Variants in TENM3 observed in about 807,000 individuals in gnomAD.
The protein encoded by TENM3 is teneurin transmembrane protein 3, also known as teneurin-3.
Under a neutral mutation model 255.1 loss-of-function variants are expected in TENM3, and 63 were observed. The observed-to-expected ratio is 0.25, with a 90% CI of 0.20 to 0.30. The LOEUF (loss-of-function observed/expected upper bound fraction) is 0.30, where lower values mean the gene tolerates loss of function less well. Ranked by LOEUF, TENM3 falls within the 10% of genes least tolerant of loss-of-function variation. The pLI is 1.00. For synonymous variants in TENM3, 1,306 were observed against 1,322.3 expected, an observed-to-expected ratio of 0.99 and a Z score of 0.27; for missense variants, 2,929 against 3,461.1, an observed-to-expected ratio of 0.85 and a Z score of 3.86.
the TENM3 span, among the ~76,000 whole-genome samples, chr4:182,022,082 G>T: frequency 6.6e-6 from 1 of 151,754 alleles, no homozygotes; most frequent in East Asian, 1.9e-4. Flanking sequence ...AAATTGTTCT[G>T]CACTCGTATG....
chr4:182,782,360 C>T lies in TENM3; in HGVS notation c.5305-6733C>T, dbSNP rs202104524. Among the ~76,000 whole-genome samples the T allele has an allele frequency of 5.4e-3, 700 of 129,346 alleles. 2 individuals carry two copies. Among genetic ancestry groups the T allele is most frequent in the Admixed American group, 0.038 (456 of 12,040 alleles). 84.9% of individuals were successfully genotyped at this position (129,346 alleles called of 152,430 possible). ...GTTGTTCAGTTTCCATGTAGTTGAG[C>T]GGTTTTGAGTGAGATTCTTAATCCT... On this transcript the variant is annotated intron_variant, in intron 24 of 27. Coordinates refer to ENST00000511685, the MANE Select transcript of TENM3 (RefSeq NM_001080477.4).
At chr4:181,853,414 T>C in the TENM3 span, among the ~76,000 whole-genome samples, 2 of 152,256 alleles carry the variant, frequency 1.3e-5, no homozygotes, top group African/African-American at 4.8e-5. Context: ...ATTTAAACCA[T>C]GTTCCGTGAA....
intron 1 of TENM3, among the ~76,000 whole-genome samples, chr4:182,167,835 G>C (rs1186076381): frequency 1.3e-5 from 2 of 152,172 alleles, no homozygotes; most frequent in African/African-American, 4.8e-5. Flanking sequence ...AGTGAGCTGA[G>C]ATCATGCCAC....
At chr4:182,381,232 C>T (rs1245117719) in intron 3 of TENM3, among the ~76,000 whole-genome samples, 2 of 152,172 alleles carry the variant, frequency 1.3e-5, no homozygotes, top group African/African-American at 4.8e-5. Context: ...ACGGAAAACA[C>T]CTATTAGTCA....
At chr4:181,941,559 T>C in the TENM3 span, among the ~76,000 whole-genome samples, 2 of 152,174 alleles carry the variant, frequency 1.3e-5, no homozygotes. Flanking sequence ...CTATCATTTG[T>C]TTTATCGCTT....
chr4:182,662,025 A>G (rs1374005888), intron 6 of TENM3, among the ~76,000 whole-genome samples: 1 of 152,186 alleles, frequency 6.6e-6, no homozygotes, highest in Non-Finnish European at 1.5e-5. Flanking sequence ...CTAATTACCA[A>G]TATGACTTTA....
At chr4:181,674,391 T>C in the TENM3 span, among the ~76,000 whole-genome samples, 1 of 150,796 alleles carries the variant, frequency 6.6e-6, no homozygotes. Flanking sequence ...CTGGAGTTTA[T>C]TGGGGTGTTA....
chr4:182,647,143 A>C (rs1752826749), intron 5 of TENM3, among the ~76,000 whole-genome samples: 1 of 152,172 alleles, frequency 6.6e-6, no homozygotes, highest in Non-Finnish European at 1.5e-5. Flanking sequence ...TAAGTTTCCG[A>C]CTTTGTGTCA....
At chr4:182,278,003 T>A (rs1415630239) in intron 1 of TENM3, among the ~76,000 whole-genome samples, 2 of 152,262 alleles carry the variant, frequency 1.3e-5, no homozygotes, top group Non-Finnish European at 2.9e-5. Flanking sequence ...GCCTGGATCC[T>A]GTTTGTTTCT....
At chr4:181,826,350 T>G in the TENM3 span, among the ~76,000 whole-genome samples, 1 of 152,334 alleles carries the variant, frequency 6.6e-6, no homozygotes, top group East Asian at 1.9e-4. Context: ...TGATAAGTGT[T>G]AATTTTCTGG....
At chr4:181,591,580 A>G in the TENM3 span, among the ~76,000 whole-genome samples, 1 of 152,178 alleles carries the variant, frequency 6.6e-6, no homozygotes. Flanking sequence ...GCAAATACCC[A>G]AGTCAGGAAT....
chr4:182,285,669 CATGGGAAGAATTGGAGA>C (rs1336811429), intron 1 of TENM3, among the ~76,000 whole-genome samples: 5 of 152,044 alleles, frequency 3.3e-5, no homozygotes, highest in African/African-American at 1.2e-4. Flanking sequence ...GTTTTTGGAG[CATGGGAAGAATTGGAGA>C]ATGGGAAGAT....
At chr4:182,080,204 C>T in the TENM3 span, among the ~76,000 whole-genome samples, 1 of 152,174 alleles carries the variant, frequency 6.6e-6, no homozygotes, top group Admixed American at 6.6e-5. Flanking sequence ...GGAAATAGTT[C>T]CACCTGAGGC....
upstream of TENM3, among the ~76,000 whole-genome samples, chr4:182,139,652 G>C (rs571679044): frequency 1.3e-5 from 2 of 152,360 alleles, no homozygotes; most frequent in African/African-American, 4.8e-5. Context: ...AATGTAGCAA[G>C]TTTTAAATAC....
At chr4:181,574,456 G>T in the TENM3 span, among the ~76,000 whole-genome samples, 1 of 151,900 alleles carries the variant, frequency 6.6e-6, no homozygotes, top group Non-Finnish European at 1.5e-5. Flanking sequence ...GCGTGAACCC[G>T]GGAGGCGGAG....
intron 1 of TENM3, among the ~76,000 whole-genome samples, chr4:182,220,625 G>T (rs982507634): frequency 6.6e-6 from 1 of 152,140 alleles, no homozygotes; most frequent in African/African-American, 2.4e-5. Flanking sequence ...CATGCTTCTT[G>T]CTAGCCACAA....
chr4:182,364,753 A>G (rs1400501996), intron 3 of TENM3, among the ~76,000 whole-genome samples: 1 of 152,056 alleles, frequency 6.6e-6, no homozygotes, highest in East Asian at 1.9e-4. Context: ...TCCACATGCT[A>G]TTGGATTTTT....
the TENM3 span, among the ~76,000 whole-genome samples, chr4:181,492,347 A>T: frequency 6.6e-6 from 1 of 152,212 alleles, no homozygotes; most frequent in African/African-American, 2.4e-5. Flanking sequence ...GTAGAAATTC[A>T]GTTCATCTCT....
At chr4:182,521,817 T>C (rs186586143) in intron 3 of TENM3, among the ~76,000 whole-genome samples, 17 of 152,340 alleles carry the variant, frequency 1.1e-4, no homozygotes, top group Admixed American at 3.3e-4. Context: ...AGGAACGTTA[T>C]AGTCCATGAC....
Sources: gnomAD v4.1 joint callset for allele counts (sites outside exome capture counted in the v4.1 genomes callset) on GRCh38, gnomAD v4.1.1 for gene constraint, MANE v1.5 for transcripts, NCBI Gene and HGNC (gene_info 2026-07-23, HGNC 2026-07-21) for gene names.